CTNNA2: variants seen among roughly 807,000 people sequenced by gnomAD.
CTNNA2 encodes the protein catenin alpha-2.
In CTNNA2, 42 loss-of-function variants were observed where a neutral mutation model predicts 101.0. The ratio of observed to expected loss-of-function variants is 0.42; its 90% confidence interval spans 0.32 to 0.54. The LOEUF (loss-of-function observed/expected upper bound fraction) is 0.54, where lower values mean the gene tolerates loss of function less well. CTNNA2 is among the 20% of genes least tolerant of loss of function. The pLI is 0.14. For missense variants in CTNNA2, 871 were observed against 1,223.1 expected (o/e 0.71, Z 4.29); for synonymous variants, 450 against 456.4 (o/e 0.99, Z 0.18).
intron 2 of CTNNA2, among the ~76,000 whole-genome samples, chr2:79,254,592 T>C (rs1219240524): frequency 1.3e-5 from 2 of 152,170 alleles, no homozygotes; most frequent in African/African-American, 4.8e-5. Flanking sequence ...CCTGCAGAAC[T>C]GTGAGTCGAT....
chr2:80,029,173 T>C (rs952223430), intron 7 of CTNNA2, among the ~76,000 whole-genome samples: 3 of 152,220 alleles, frequency 2.0e-5, no homozygotes, highest in Non-Finnish European at 4.4e-5. Flanking sequence ...CGATTACTAC[T>C]ACTGCATTTG....
chr2:79,991,105 G>A (rs1692142158), intron 7 of CTNNA2, among the ~76,000 whole-genome samples: 1 of 152,082 alleles, frequency 6.6e-6, no homozygotes, highest in Middle Eastern at 3.2e-3. Context: ...GTATTTTTGT[G>A]GGATCGGTCG....
chr2:79,647,866 C>T lies in CTNNA2; in HGVS notation c.-5-3686C>T, dbSNP rs1020339955. ...GCTGTGCTTGGCTCCAGCTCCAGCT[C>T]GGATTCAGGTGTGCTCCATGTGTCC... On this transcript the variant is annotated intron_variant, in intron 1 of 18. Coordinates refer to ENST00000402739, the MANE Select transcript of CTNNA2 (RefSeq NM_001282597.3). 3.3e-5 allele frequency among the ~76,000 whole-genome samples: 5 copies of T among 152,298 alleles called. No homozygotes were observed. In the East Asian group the frequency reaches 5.8e-4, roughly 18 times the overall value.
At chr2:79,705,195 C>A (rs1685274341) in intron 2 of CTNNA2, among the ~76,000 whole-genome samples, 1 of 152,100 alleles carries the variant, frequency 6.6e-6, no homozygotes. Flanking sequence ...GCTGAGAAAT[C>A]CTGTTGTAGA....
intron 7 of CTNNA2, among the ~76,000 whole-genome samples, chr2:80,271,713 T>C (rs965344358): frequency 6.6e-6 from 1 of 152,152 alleles, no homozygotes; most frequent in African/African-American, 2.4e-5. Context: ...TGAGCCACCG[T>C]GCCCAGCCTA....
intron 1 of CTNNA2, among the ~76,000 whole-genome samples, chr2:79,188,737 A>G (rs1673814570): frequency 6.6e-6 from 1 of 152,220 alleles, no homozygotes; most frequent in Non-Finnish European, 1.5e-5. Context: ...TGGAGGAAAA[A>G]GCACAAATAT....
At chr2:79,369,485 G>A (rs1446358154) in intron 3 of CTNNA2, among the ~76,000 whole-genome samples, 9 of 152,016 alleles carry the variant, frequency 5.9e-5, no homozygotes, top group Non-Finnish European at 1.0e-4. Context: ...CGACTGTAGC[G>A]GCACCCCTGT....
At chr2:80,560,064 A>AG (rs1693436034) in intron 12 of CTNNA2, among the ~76,000 whole-genome samples, 1 of 97,580 alleles carries the variant, frequency 1.0e-5, no homozygotes, top group African/African-American at 3.7e-5. Context: ...CAAAAAAAAA[A>AG]AAAAAAAAGA....
At chr2:79,472,046 T>A (rs974764979) in intron 4 of CTNNA2, among the ~76,000 whole-genome samples, 1 of 152,128 alleles carries the variant, frequency 6.6e-6, no homozygotes, top group African/African-American at 2.4e-5. Context: ...CCAAATCAGA[T>A]ATGAGTGACA....
At chr2:80,035,153 G>A (rs747581767) in intron 7 of CTNNA2, among the ~76,000 whole-genome samples, 19 of 152,088 alleles carry the variant, frequency 1.2e-4, no homozygotes, top group Non-Finnish European at 2.4e-4. Flanking sequence ...CCAGGGATAC[G>A]GTTCAGAAAC....
intron 2 of CTNNA2, among the ~76,000 whole-genome samples, chr2:79,281,154 A>C (rs1675369173): frequency 6.6e-6 from 1 of 151,970 alleles, no homozygotes; most frequent in Non-Finnish European, 1.5e-5. Context: ...CCATCCTTAC[A>C]TGATCATAGG....
At chr2:79,948,940 C>G (rs1355639745) in intron 7 of CTNNA2, among the ~76,000 whole-genome samples, 1 of 151,888 alleles carries the variant, frequency 6.6e-6, no homozygotes, top group Non-Finnish European at 1.5e-5. Context: ...TGCACTCCAG[C>G]CTGGGCGACA....
intron 9 of CTNNA2, among the ~76,000 whole-genome samples, chr2:80,490,466 A>C (rs1686977426): frequency 6.6e-6 from 1 of 152,186 alleles, no homozygotes; most frequent in Non-Finnish European, 1.5e-5. Flanking sequence ...TTCAGATTTC[A>C]TATAATTTTC....
chr2:79,258,346 C>T (rs1674875399), intron 2 of CTNNA2, among the ~76,000 whole-genome samples: 1 of 152,126 alleles, frequency 6.6e-6, no homozygotes, highest in African/African-American at 2.4e-5. Context: ...TGGGCAGTTC[C>T]CCTCAAGTTA....
intron 2 of CTNNA2, chr2:79,293,134 T>G (rs1675871388): frequency 6.6e-6 from 1 of 152,250 alleles, no homozygotes; most frequent in Non-Finnish European, 1.5e-5. Context: ...GGGTCTTTCT[T>G]GAGTGAGCTC....
chr2:80,407,277 G>A (rs1679157196), intron 8 of CTNNA2, among the ~76,000 whole-genome samples: 5 of 152,208 alleles, frequency 3.3e-5, no homozygotes. Flanking sequence ...CTCTTCTTAA[G>A]GAGATAGCTT....
intron 11 of CTNNA2, among the ~76,000 whole-genome samples, chr2:80,552,067 T>TGGTGGAGCA (rs1311297040): frequency 6.6e-6 from 1 of 152,182 alleles, no homozygotes; most frequent in African/African-American, 2.4e-5. Flanking sequence ...ACGGCCGTCT[T>TGGTGGAGCA]GGTGGAGCAG....
intron 12 of CTNNA2, among the ~76,000 whole-genome samples, chr2:80,568,401 C>A (rs1694250074): frequency 1.3e-5 from 2 of 152,310 alleles, no homozygotes; most frequent in South Asian, 4.1e-4. Flanking sequence ...TCCTTCTCTA[C>A]CCAACTGGAT....
At chr2:79,803,576 C>A (rs1226272217) in intron 3 of CTNNA2, among the ~76,000 whole-genome samples, 1 of 152,266 alleles carries the variant, frequency 6.6e-6, no homozygotes, top group Non-Finnish European at 1.5e-5. Context: ...CAGTTTTCCG[C>A]CCTGGGCGGG....
Sources: gnomAD v4.1 joint callset for allele counts (sites outside exome capture counted in the v4.1 genomes callset) on GRCh38, gnomAD v4.1.1 for gene constraint, MANE v1.5 for transcripts, NCBI Gene and HGNC (gene_info 2026-07-23, HGNC 2026-07-21) for gene names.